TAAR1: variants seen among roughly 807,000 people sequenced by gnomAD.
TAAR1 encodes trace amine-associated receptor 1.
Under a neutral mutation model 1.2 loss-of-function variants are expected in TAAR1, and 1 was observed. That is an observed-to-expected ratio of 0.81 (90% CI 0.29 to 3.86). The LOEUF is 3.86. Ranked by LOEUF, TAAR1 falls within the 30% of genes most tolerant of loss-of-function variation. TAAR1 has a pLI of 0.18. For missense variants in TAAR1, 445 were observed against 405.6 expected, an observed-to-expected ratio of 1.10 and a Z score of -0.83; for synonymous variants, 153 against 132.2, an observed-to-expected ratio of 1.16 and a Z score of -1.08.
At position 132,643,326 on chromosome 6, in the gene TAAR1, C is replaced by T. The variant is rs913000930; in HGVS notation, c.*1658G>A. On this transcript the variant is annotated 3_prime_UTR_variant, in exon 2 of 2. Transcript: ENST00000275216. ...TAAAGTATAGAAAACTCACTAAATG[C>T]TTGTTTCCTTTTTAAAATTTGACAG... 2.0e-5 allele frequency among the ~76,000 whole-genome samples: 3 copies of T among 151,872 alleles called. No individual in the cohort carries two copies. The highest frequency in any genetic ancestry group is 1.9e-4 in the East Asian group (1 of 5,190).
At chr6:132,658,854 G>C (rs987388267) in intron 1 of TAAR1, among the ~76,000 whole-genome samples, 1 of 152,036 alleles carries the variant, frequency 6.6e-6, no homozygotes, top group African/African-American at 2.4e-5. Context: ...TTTAATAAAA[G>C]AGAAACAACA....
Position 132,654,775 on chromosome 6 carries a change from T to A in TAAR1, c.-127+4355A>T, listed in dbSNP as rs561023893. Among the ~76,000 whole-genome samples, 198 of 152,282 alleles carry A rather than the reference T, an allele frequency of 1.3e-3. 2 individuals are homozygous for A. The highest frequency in any genetic ancestry group is 6.8e-3 in the Middle Eastern group (2 of 294). ...GTATAAGAATTAGGATCTCAAGAAT[T>A]GGGAAACTGAGCCATGAAAGGACTA... On this transcript the variant is annotated intron_variant, in intron 1 of 1. Coordinates refer to ENST00000275216, the MANE Select transcript of TAAR1 (RefSeq NM_138327.4).
chr6:132,656,105 T>A lies in TAAR1; in HGVS notation c.-127+3025A>T, dbSNP rs150654987. Among the ~76,000 whole-genome samples the A allele has an allele frequency of 2.2e-4, 34 of 152,290 alleles. No individual in the cohort carries two copies. The East Asian group carries it at 5.8e-3, about 26-fold the overall frequency. ...TCCTGGCTGGGCCATTCACTGGTCCTGTGACCTTGAACATACTACCCAGCC... is the reference window on the plus strand; with the variant it reads ...TCCTGGCTGGGCCATTCACTGGTCCAGTGACCTTGAACATACTACCCAGCC... On this transcript the variant is annotated intron_variant, in intron 1 of 1. Coordinates refer to ENST00000275216, the MANE Select transcript of TAAR1 (RefSeq NM_138327.4).
intron 1 of TAAR1, among the ~76,000 whole-genome samples, chr6:132,656,593 T>C (rs1044516640): frequency 3.8e-4 from 58 of 152,270 alleles, no homozygotes; most frequent in African/African-American, 1.2e-3. Flanking sequence ...ACTGAGGAGT[T>C]CATTTTCATT....
At chr6:132,647,623 G>GAAAA (rs201011015) in intron 1 of TAAR1, among the ~76,000 whole-genome samples, 11,359 of 103,038 alleles carry the variant, frequency 0.11, 817 homozygotes, top group East Asian at 0.2. Flanking sequence ...GAAAGAAAAA[G>GAAAA]GAAAGAAAGA....
At chr6:132,652,141 C>T (rs1777756131) in intron 1 of TAAR1, among the ~76,000 whole-genome samples, 1 of 151,850 alleles carries the variant, frequency 6.6e-6, no homozygotes, top group African/African-American at 2.4e-5. Flanking sequence ...ATCTGGAGCT[C>T]TGTGACTGGT....
chr6:132,646,046 G>C lies in TAAR1; in HGVS notation c.-43C>G. ...CAGTTTACTTTTCCCTTTGTGTGTT[G>C]ATTTATCTTTTTCCCAAATCCATAA... On this transcript the variant is annotated 5_prime_UTR_variant, in exon 2 of 2. The change creates a new upstream start codon in the 5' untranslated region. Coordinates refer to ENST00000275216, the MANE Select transcript of TAAR1 (RefSeq NM_138327.4). 1 of 1,519,312 alleles carries C rather than the reference G, an allele frequency of 6.6e-7. No individual in the cohort carries two copies. Among genetic ancestry groups the C allele is most frequent in the Non-Finnish European group, 8.8e-7 (1 of 1,132,694 alleles). The allele number at this position is 1,519,312 out of a possible 1,614,324, so 94.1% of individuals were successfully genotyped here.
At chr6:132,653,496 C>T (rs919891596) in intron 1 of TAAR1, among the ~76,000 whole-genome samples, 18 of 152,194 alleles carry the variant, frequency 1.2e-4, no homozygotes, top group African/African-American at 4.3e-4. Context: ...TTAAGTGACA[C>T]TGTTTTTCTT....
rs182328722 is a variant in TAAR1 at position 132,655,358 on chromosome 6, A to C, written c.-127+3772T>G. Reference sequence around the variant, plus strand: ...CATACATTAAGCCAAAAAACAAAGAAATACAAATTCATTCATTCTTTTTTT... The same window carrying C: ...CATACATTAAGCCAAAAAACAAAGACATACAAATTCATTCATTCTTTTTTT... On this transcript the variant is annotated intron_variant, in intron 1 of 1. Transcript: ENST00000275216. Among the ~76,000 whole-genome samples, 17 of 152,026 alleles carry C rather than the reference A, an allele frequency of 1.1e-4. No homozygotes were observed. The East Asian group carries it at 3.3e-3, about 29-fold the overall frequency.
chr6:132,645,030 T>C lies in TAAR1; in HGVS notation c.974A>G (p.Gln325Arg). Residue 325 changes from glutamine (Q) to arginine (R), a missense_variant, in exon 2 of 2, where the codon CAA (glutamine) becomes CGA (arginine). Transcript: ENST00000275216. The part of the protein sequence containing the change: ...LKMMLFGKIF[Q>R]KDSSRCKLFL... ...TAATTTACACCTGGATGAATCTTTT[T>C]GGAAAATTTTACCAAACAGCATCAT... 1.9e-6 allele frequency: 3 copies of C among 1,585,116 alleles called. No homozygotes were observed. The highest frequency in any genetic ancestry group is 1.2e-5 in the South Asian group (1 of 85,300).
intron 1 of TAAR1, among the ~76,000 whole-genome samples, chr6:132,647,214 T>A (rs1393568676): frequency 6.6e-6 from 1 of 152,056 alleles, no homozygotes; most frequent in African/African-American, 2.4e-5. Flanking sequence ...TGAGTAGGCA[T>A]CTTCTACTAG....
At chr6:132,657,323 G>GT (rs1389379947) in intron 1 of TAAR1, among the ~76,000 whole-genome samples, 1 of 151,640 alleles carries the variant, frequency 6.6e-6, no homozygotes, top group South Asian at 2.1e-4. Context: ...CAGTGCAATT[G>GT]TTTTTGTAAT....
intron 1 of TAAR1, among the ~76,000 whole-genome samples, chr6:132,651,047 G>T (rs546244883): frequency 1.3e-5 from 2 of 152,210 alleles, no homozygotes; most frequent in South Asian, 4.2e-4. Context: ...TCTTAACCAA[G>T]TTATTCTACA....
rs11458413 is a variant in TAAR1 at position 132,652,306 on chromosome 6, C to CTTT, written c.-126-6180_-126-6178dup. ...AAGCTTCTGACTTTCAGATATTCTG[C>CTTT]TTTTTTTTTTTTTTCTGAGATGGAG... On this transcript the variant is annotated intron_variant, in intron 1 of 1. Coordinates refer to ENST00000275216, the MANE Select transcript of TAAR1 (RefSeq NM_138327.4). 6.2e-3 allele frequency among the ~76,000 whole-genome samples: 867 copies of CTTT among 139,866 alleles called. 15 individuals are homozygous for CTTT. Among genetic ancestry groups the CTTT allele is most frequent in the Middle Eastern group, 0.049 (13 of 268 alleles). The allele number at this position is 139,866 out of a possible 152,430, so 91.8% of individuals were successfully genotyped here. A position where few individuals can be genotyped will look rare whatever the true frequency, so the allele number is the denominator to read the frequency against.
intron 1 of TAAR1, among the ~76,000 whole-genome samples, chr6:132,646,353 G>A (rs1445019814): frequency 1.3e-5 from 2 of 152,126 alleles, no homozygotes; most frequent in Non-Finnish European, 2.9e-5. Flanking sequence ...ATATGAAACT[G>A]CCACATTTGT....
intron 1 of TAAR1, among the ~76,000 whole-genome samples, chr6:132,654,134 GT>G (rs1424556722): frequency 6.6e-6 from 1 of 152,114 alleles, no homozygotes; most frequent in Non-Finnish European, 1.5e-5. Flanking sequence ...AAACCCTTAA[GT>G]TTTTAACCAT....
At chr6:132,647,625 AAAGAAAG>A (rs1562203004) in intron 1 of TAAR1, among the ~76,000 whole-genome samples, 6,180 of 96,026 alleles carry the variant, frequency 0.064, 265 homozygotes, top group African/African-American at 0.098. Flanking sequence ...AAGAAAAAGG[AAAGAAAG>A]AAAGAAAGAA....
intron 1 of TAAR1, among the ~76,000 whole-genome samples, chr6:132,647,188 G>A (rs1777682130): frequency 6.7e-6 from 1 of 150,196 alleles, no homozygotes; most frequent in Non-Finnish European, 1.5e-5. Context: ...TATAAAACAG[G>A]TAAAAAAAAT....
Position 132,645,461 on chromosome 6 carries a change from A to G in TAAR1, c.543T>C (p.Gly181=). ...IYYKHVHCRG[G]CSVFFSKISG... ...ATATTTTGCTAAAGAAGACAGAGCA[A>G]CCTCCTCTGCAGTGAACATGTTTGT... The change falls in exon 2 of 2, where the codon GGT becomes GGC. Residue 181 remains glycine (G), a synonymous_variant. Coordinates refer to ENST00000275216, the MANE Select transcript of TAAR1 (RefSeq NM_138327.4). The G allele has an allele frequency of 1.2e-6, 2 of 1,612,928 alleles. No homozygotes were observed. Among genetic ancestry groups the G allele is most frequent in the Non-Finnish European group, 1.7e-6 (2 of 1,179,644 alleles).
Sources: allele counts gnomAD v4.1 joint callset (sites outside exome capture counted in the v4.1 genomes callset), GRCh38; gene constraint gnomAD v4.1.1; transcripts MANE v1.5; gene names NCBI Gene and HGNC (gene_info 2026-07-23, HGNC 2026-07-21).